Variants in BMP2K observed in about 807,000 individuals in gnomAD.
The protein encoded by BMP2K is BMP-2-inducible protein kinase.
A neutral mutation model predicts 116.0 loss-of-function variants in BMP2K; 74 were observed. The ratio of observed to expected loss-of-function variants is 0.64; its 90% confidence interval spans 0.53 to 0.77. The LOEUF (loss-of-function observed/expected upper bound fraction) is 0.77, where lower values mean the gene tolerates loss of function less well. Among genes scored for constraint, BMP2K ranks in the 30% least tolerant of loss-of-function variants. The pLI, the probability that BMP2K is intolerant of heterozygous loss-of-function variation, is 0.00. For missense variants in BMP2K, 1,365 were observed against 1,403.6 expected (o/e 0.97, Z 0.44); for synonymous variants, 486 against 502.5 (o/e 0.97, Z 0.44).
intron 1 of BMP2K, among the ~76,000 whole-genome samples, chr4:78,807,178 T>C (rs1411089970): frequency 5.9e-5 from 9 of 152,164 alleles, no homozygotes; most frequent in Admixed American, 4.6e-4. Flanking sequence ...TCAAATTTTT[T>C]CCCTGCATTT....
intron 1 of BMP2K, among the ~76,000 whole-genome samples, chr4:78,786,662 C>T (rs763371913): frequency 9.9e-5 from 15 of 152,112 alleles, no homozygotes; most frequent in Non-Finnish European, 1.6e-4. Context: ...TGGCCTCCAC[C>T]ACTCTGTTAA....
chr4:78,816,746 C>T (rs893343991), intron 1 of BMP2K, among the ~76,000 whole-genome samples: 12 of 151,978 alleles, frequency 7.9e-5, no homozygotes, highest in African/African-American at 2.9e-4. Flanking sequence ...TATAATAAAG[C>T]ATTTAAAAAA....
chr4:78,862,466 G>A (rs1342984103), intron 9 of BMP2K, among the ~76,000 whole-genome samples: 1 of 152,050 alleles, frequency 6.6e-6, no homozygotes, highest in Non-Finnish European at 1.5e-5. Context: ...AATTATAGCA[G>A]GCAGGCAGTT....
chr4:78,870,326 G>A (rs962326332), intron 10 of BMP2K, among the ~76,000 whole-genome samples: 3 of 152,156 alleles, frequency 2.0e-5, no homozygotes, highest in Non-Finnish European at 2.9e-5. Flanking sequence ...GTGCAAGACA[G>A]ACTGAAATGT....
At chr4:78,798,168 A>C (rs746845883) in intron 1 of BMP2K, among the ~76,000 whole-genome samples, 1 of 152,236 alleles carries the variant, frequency 6.6e-6, no homozygotes, top group Non-Finnish European at 1.5e-5. Flanking sequence ...AAAAAGACAG[A>C]TCCTACCTAG....
intron 2 of BMP2K, among the ~76,000 whole-genome samples, chr4:78,830,166 C>G (rs2110007156): frequency 6.6e-6 from 1 of 152,294 alleles, no homozygotes; most frequent in South Asian, 2.1e-4. Context: ...CAAGAGCCGC[C>G]ACACCCAGCC....
chr4:78,875,429 A>G (rs956276130), intron 13 of BMP2K, among the ~76,000 whole-genome samples: 6 of 152,188 alleles, frequency 3.9e-5, no homozygotes, highest in Non-Finnish European at 7.4e-5. Context: ...ATGTTAATTT[A>G]TCTTTAGTAT....
In BMP2K at chr4:78,915,603, CAG is replaced by C. The variant is rs897356184; in HGVS notation, c.*3571_*3572del. ...TAGTTTATTTGAGAACTTTTATACT[CAG>C]TGGTGTTTTATATATTAAGATAAAA... On this transcript the variant is annotated 3_prime_UTR_variant, in exon 16 of 16. Transcript: ENST00000502613. 3.3e-5 allele frequency: 5 copies of C among 151,814 alleles called. No homozygotes were observed. The highest frequency in any genetic ancestry group is 5.9e-5 in the Non-Finnish European group (4 of 67,868). The allele number at this position is 151,814 out of a possible 1,614,324, so 9.4% of individuals were successfully genotyped here.
At chr4:78,782,481 G>A (rs1727550911) in intron 1 of BMP2K, among the ~76,000 whole-genome samples, 1 of 152,170 alleles carries the variant, frequency 6.6e-6, no homozygotes, top group African/African-American at 2.4e-5. Context: ...ATGATCTTCA[G>A]TAGAATTTAA....
rs1230228801 is a variant in BMP2K, at chr4:78,891,519, G to A, written c.2062+4235G>A. On this transcript the variant is annotated intron_variant, in intron 15 of 15. Transcript: ENST00000502613. ...ATTCCTCTTACTAGGATATTGTGCC[G>A]TTTGGATTGAACCTCTAATTTAAAT... is the stretch of plus-strand genomic sequence containing the variant. 3.9e-5 allele frequency among the ~76,000 whole-genome samples: 6 copies of A among 152,154 alleles called. No individual in the cohort carries two copies. The South Asian group carries it at 8.3e-4, about 21-fold the overall frequency.
At chr4:78,833,294 T>C (rs892729522) in intron 2 of BMP2K, among the ~76,000 whole-genome samples, 1 of 152,158 alleles carries the variant, frequency 6.6e-6, no homozygotes, top group Non-Finnish European at 1.5e-5. Context: ...TATTTTATTC[T>C]CAAGTTCTTT....
At chr4:78,867,891 C>A (rs890227518) in intron 10 of BMP2K, among the ~76,000 whole-genome samples, 1 of 152,148 alleles carries the variant, frequency 6.6e-6, no homozygotes, top group African/African-American at 2.4e-5. Flanking sequence ...AAAACCCCAT[C>A]TCTACTAAAA....
intron 7 of BMP2K, chr4:78,859,370 T>C: frequency 2.6e-6 from 1 of 378,994 alleles, no homozygotes; most frequent in Non-Finnish European, 4.7e-6. Flanking sequence ...AGTGTAGAGC[T>C]GTTCTGTGAT....
chr4:78,842,483 A>G lies in BMP2K; in HGVS notation c.502A>G (p.Arg168Gly). 1 of 1,607,630 alleles carries G rather than the reference A, an allele frequency of 6.2e-7. No homozygotes were observed. Among genetic ancestry groups the G allele is most frequent in the African/African-American group, 1.3e-5 (1 of 74,930 alleles). Residue 168 changes from arginine to glycine, a missense_variant, in exon 4 of 16, where the codon AGG (arginine) becomes GGG (glycine). This residue lies in a region of BMP2K where 762 missense variants were observed against 756.7 expected (regional missense o/e 1.01). Coordinates refer to ENST00000502613, the MANE Select transcript of BMP2K (RefSeq NM_198892.2). ...IFCDTCEAVA[R>G]LHQCKTPIIH... ...CTGTGATACCTGTGAAGCTGTTGCA[A>G]GGTTGCATCAGTGTAAGACTCCAAT...
At chr4:78,848,048 G>A (rs145097883) in intron 6 of BMP2K, among the ~76,000 whole-genome samples, 1,609 of 151,612 alleles carry the variant, frequency 0.011, 12 homozygotes, top group Non-Finnish European at 0.018. Flanking sequence ...ATTGTCAGGC[G>A]TAATGTGTAG....
chr4:78,871,088 A>C, intron 11 of BMP2K, 28 bp downstream of exon 11: 1 of 1,594,724 alleles, frequency 6.3e-7, no homozygotes, highest in African/African-American at 1.3e-5. Flanking sequence ...TTAGATATGG[A>C]AGTAGTGTGA....
chr4:78,857,290 G>A (rs559870503), intron 7 of BMP2K, among the ~76,000 whole-genome samples: 46 of 152,206 alleles, frequency 3.0e-4, no homozygotes, highest in African/African-American at 1.1e-3. Context: ...GGCTCCAGCA[G>A]ATATATTCCC....
chr4:78,911,442 C>G lies in BMP2K; in HGVS notation c.2895C>G (p.Ser965Arg). The G allele has an allele frequency of 1.9e-6, 3 of 1,614,012 alleles. No individual in the cohort carries two copies. The highest frequency in any genetic ancestry group is 1.1e-5 in the South Asian group (1 of 91,076). ...TGCCCTTTGATGAAATAACGGGGAG[C>G]CAGCAGCAAAAAGTCAAACAGCGCA... The part of the protein sequence containing the change: ...GLVPFDEITG[S>R]QQQKVKQRSL... Residue 965 changes from serine to arginine, a missense_variant, in exon 16 of 16, where the codon AGC becomes AGG. This residue lies in a region of BMP2K where 596 missense variants were observed against 623.2 expected (regional missense o/e 0.96). Coordinates refer to ENST00000502613, the MANE Select transcript of BMP2K (RefSeq NM_198892.2).
At chr4:78,783,276 T>C (rs571866742) in intron 1 of BMP2K, among the ~76,000 whole-genome samples, 79 of 152,352 alleles carry the variant, frequency 5.2e-4, no homozygotes, top group Non-Finnish European at 9.0e-4. Context: ...ATGGAAATTA[T>C]TTGCAACAAA....
Sources: gnomAD v4.1 joint callset for allele counts (sites outside exome capture counted in the v4.1 genomes callset) on GRCh38, gnomAD v4.1.1 for gene constraint, gnomAD v4.1.1 regional missense constraint, MANE v1.5 for transcripts, NCBI Gene and HGNC (gene_info 2026-07-23, HGNC 2026-07-21) for gene names.